The following RFX4 variants were observed in gnomAD, a reference collection of about 807,000 sequenced individuals.
RFX4 encodes the protein transcription factor RFX4.
Under a neutral mutation model 95.0 loss-of-function variants are expected in RFX4, and 10 were observed. The ratio of observed to expected loss-of-function variants is 0.11; its 90% CI spans 0.06 to 0.18. RFX4 has a LOEUF of 0.18. Ranked by LOEUF, RFX4 falls within the 10% of genes least tolerant of loss-of-function variation. RFX4 has a pLI of 1.00. For missense variants in RFX4, 640 were observed against 922.0 expected (o/e 0.69, Z 3.96); for synonymous variants, 321 against 340.7 (o/e 0.94, Z 0.64).
intron 2 of RFX4, among the ~76,000 whole-genome samples, chr12:106,638,344 C>A (rs2040555467): frequency 6.6e-6 from 1 of 152,166 alleles, no homozygotes; most frequent in African/African-American, 2.4e-5. Context: ...TTCATGGAAA[C>A]TTGTTTTCTC....
chr12:106,661,435 C>T (rs1241331019), intron 4 of RFX4, among the ~76,000 whole-genome samples: 3 of 152,140 alleles, frequency 2.0e-5, no homozygotes, highest in Non-Finnish European at 4.4e-5. Context: ...ATAAATTGTA[C>T]AGAGATTTCT....
chr12:106,676,180 G>A (rs1760012251), intron 4 of RFX4, among the ~76,000 whole-genome samples: 1 of 152,148 alleles, frequency 6.6e-6, no homozygotes, highest in Non-Finnish European at 1.5e-5. Context: ...GTGTGGTCAG[G>A]TAATGGGGAA....
Position 106,688,320 on chromosome 12 carries a change from G to A in RFX4, c.592-967G>A, listed in dbSNP as rs539391877. Among the ~76,000 whole-genome samples the A allele has an allele frequency of 8.6e-5, 13 of 152,008 alleles. No homozygotes were observed. The South Asian group carries it at 1.5e-3, about 17-fold the overall frequency. ...TCTGACCTCATGATCTGCCCACCTC[G>A]GCCTCCCAAAGTGCTGGGATTACAG... On this transcript the variant is annotated intron_variant, in intron 6 of 17. Transcript: ENST00000392842.
At chr12:106,596,356 A>G (rs375372772) in intron 1 of RFX4, among the ~76,000 whole-genome samples, 2 of 152,216 alleles carry the variant, frequency 1.3e-5, no homozygotes, top group Non-Finnish European at 2.9e-5. Context: ...GCCTTCCACC[A>G]TGATTGTGAG....
intron 15 of RFX4, among the ~76,000 whole-genome samples, chr12:106,746,969 G>A (rs759588223): frequency 6.6e-6 from 1 of 152,150 alleles, no homozygotes. Context: ...TCCATTGGTG[G>A]CCAAAATAGG....
At chr12:106,741,384 A>G (rs1209297206) in intron 15 of RFX4, among the ~76,000 whole-genome samples, 1 of 152,226 alleles carries the variant, frequency 6.6e-6, no homozygotes, top group Non-Finnish European at 1.5e-5. Context: ...GATTACAGGA[A>G]ATGCTTGTTT....
chr12:106,706,304 A>G (rs972445970), intron 8 of RFX4, among the ~76,000 whole-genome samples: 4 of 152,190 alleles, frequency 2.6e-5, no homozygotes, highest in African/African-American at 9.7e-5. Context: ...GAAAACATTG[A>G]GGAGTTTTAA....
chr12:106,756,357 G>T (rs1164150751), intron 17 of RFX4, among the ~76,000 whole-genome samples: 1 of 152,154 alleles, frequency 6.6e-6, no homozygotes, highest in Non-Finnish European at 1.5e-5. Flanking sequence ...TGGAACTGGG[G>T]ACCTTGAGCT....
Position 106,718,954 on chromosome 12 carries a change from CAAAAAAA to C in RFX4, c.1139-994_1139-988del, listed in dbSNP as rs34996369. ...TGAAACCCCGTCTGTACTAAAGATA[CAAAAAAA>C]AAAAAAAAAAATTAGCCGGGTGTGG... On this transcript the variant is annotated intron_variant, in intron 11 of 17. Transcript: ENST00000392842. 1.1e-4 allele frequency among the ~76,000 whole-genome samples: 12 copies of C among 107,660 alleles called. No individual in the cohort carries two copies. In the East Asian group the frequency reaches 2.7e-3, roughly 24 times the overall value. 70.6% of individuals were successfully genotyped at this position (107,660 alleles called of 152,430 possible).
In RFX4 at chr12:106,609,514, T is replaced by C. The variant is rs185151740; in HGVS notation, c.130+631T>C. On this transcript the variant is annotated intron_variant, in intron 2 of 17. Transcript: ENST00000392842. Reference sequence around the variant, plus strand: ...AATTTTTTGCAGAGTCAGAAGTGTCTTTCTTCCATGGTTGGTAAAGTGCAT... The same window carrying C: ...AATTTTTTGCAGAGTCAGAAGTGTCCTTCTTCCATGGTTGGTAAAGTGCAT... 3.6e-3 allele frequency among the ~76,000 whole-genome samples: 543 copies of C among 152,330 alleles called. 6 individuals carry two copies. The highest frequency in any genetic ancestry group is 3.8e-3 in the Non-Finnish European group (257 of 68,028).
chr12:106,709,450 C>A lies in RFX4; in HGVS notation c.934+20C>A, dbSNP rs752030624. On this transcript the variant is annotated intron_variant, in intron 9 of 17. Transcript: ENST00000392842. ...TCGAATGTAAGTACTGAGTTGAGAG[C>A]GGGATGGAAGAGAGAATTACATTTT... 2.5e-6 allele frequency: 4 copies of A among 1,575,448 alleles called. No homozygotes were observed. Among genetic ancestry groups the A allele is most frequent in the Non-Finnish European group, 3.5e-6 (4 of 1,154,052 alleles).
chr12:106,608,891 C>A lies in RFX4; in HGVS notation c.130+8C>A. 6.2e-7 allele frequency: 1 copy of A among 1,605,604 alleles called. No homozygotes were observed. The highest frequency in any genetic ancestry group is 8.5e-7 in the Non-Finnish European group (1 of 1,177,412). ...ATGTTTCTAATGATGAAAGTAAGTG[C>A]TTGAAACTCATTCTTCCATGACATC... On this transcript the variant is annotated splice_region_variant and intron_variant, in intron 2 of 17. Coordinates refer to ENST00000392842, the MANE Select transcript of RFX4 (RefSeq NM_213594.3).
At chr12:106,718,197 C>T (rs961209245) in intron 11 of RFX4, among the ~76,000 whole-genome samples, 1 of 152,150 alleles carries the variant, frequency 6.6e-6, no homozygotes, top group Non-Finnish European at 1.5e-5. Context: ...TTACACAGCT[C>T]TTACACAGCA....
chr12:106,751,197 T>A (rs1048233124), intron 17 of RFX4, among the ~76,000 whole-genome samples: 1 of 151,662 alleles, frequency 6.6e-6, no homozygotes, highest in African/African-American at 2.4e-5. Context: ...TTTGGTTTTT[T>A]GTTCTTGCGA....
At chr12:106,693,088 G>A (rs1424708242) in intron 7 of RFX4, 6 of 438,578 alleles carry the variant, frequency 1.4e-5, no homozygotes, top group African/African-American at 2.0e-5. Flanking sequence ...GGGAGATCCT[G>A]TCAGCTCCAC....
chr12:106,649,139 A>G (rs1297982965), intron 3 of RFX4, among the ~76,000 whole-genome samples: 1 of 152,182 alleles, frequency 6.6e-6, no homozygotes, highest in Non-Finnish European at 1.5e-5. Context: ...ATTGTTCACC[A>G]TGTCAGACTA....
chr12:106,674,092 C>T (rs893280518), intron 4 of RFX4, among the ~76,000 whole-genome samples: 1 of 152,238 alleles, frequency 6.6e-6, no homozygotes, highest in Non-Finnish European at 1.5e-5. Context: ...GACCTCTCCT[C>T]CTGCCACTCC....
intron 7 of RFX4, among the ~76,000 whole-genome samples, chr12:106,695,685 A>AT (rs1364754788): frequency 4.6e-5 from 7 of 152,158 alleles, no homozygotes; most frequent in Admixed American, 3.3e-4. Context: ...CTAGCATCCC[A>AT]TATAGCACCC....
intron 2 of RFX4, among the ~76,000 whole-genome samples, chr12:106,623,772 G>A (rs1396765725): frequency 2.0e-5 from 3 of 152,184 alleles, no homozygotes; most frequent in Non-Finnish European, 2.9e-5. Context: ...GTGACAGAGT[G>A]AGACCCCATC....
Sources: gnomAD v4.1 joint callset for allele counts (sites outside exome capture counted in the v4.1 genomes callset) on GRCh38, gnomAD v4.1.1 for gene constraint, MANE v1.5 for transcripts, NCBI Gene and HGNC (gene_info 2026-07-23, HGNC 2026-07-21) for gene names.